KIF3C: variants seen among roughly 807,000 people sequenced by gnomAD.
KIF3C encodes kinesin family member 3C.
KIF3C carries 12 observed loss-of-function variants against 67.7 expected under a neutral mutation model. The ratio of observed to expected loss-of-function variants is 0.18; its 90% CI spans 0.11 to 0.29. The LOEUF is 0.29. Ranked by LOEUF, KIF3C falls within the 10% of genes least tolerant of loss-of-function variation. KIF3C has a pLI of 1.00. For missense variants in KIF3C, 789 were observed against 1,059.6 expected, an observed-to-expected ratio of 0.74 and a Z score of 3.55; for synonymous variants, 393 against 426.2, an observed-to-expected ratio of 0.92 and a Z score of 0.96.
Position 25,981,903 on chromosome 2 carries a change from G to A in KIF3C, c.15C>T (p.Thr5=), listed in dbSNP as rs758279775. 7 of 1,554,044 alleles carry A rather than the reference G, an allele frequency of 4.5e-6. No homozygotes were observed. Among genetic ancestry groups the A allele is most frequent in the Non-Finnish European group, 1.7e-6 (2 of 1,152,728 alleles). MASK[T]KASEALKVVA... The stretch of plus-strand genomic sequence containing the variant: ...CCACCTTGAGGGCCTCGCTGGCCTT[G>A]GTCTTACTGGCCATCTTGCTGCTCT... Residue 5 remains threonine (T), a synonymous_variant, in exon 1 of 8, where the codon ACC becomes ACT. Coordinates refer to ENST00000264712, the MANE Select transcript of KIF3C (RefSeq NM_002254.8). This position sits in a 1 kb window ranked among gnomAD's most constrained non-coding sequence, Gnocchi z 8.2.
In KIF3C at chr2:25,928,981, C is replaced by T. The variant is rs747940751; in HGVS notation, c.2379G>A (p.Glu793=). 6.2e-7 allele frequency: 1 copy of T among 1,612,882 alleles called. No individual in the cohort carries two copies. The change falls in exon 8 of 8, where the codon GAG becomes GAA. Residue 793 remains glutamate (E), a synonymous_variant. Transcript: ENST00000264712. ...SLRPATVADH[E] is the part of the protein sequence containing the mutation. ...GGGCAGCCTGACGTGATGGTTGTCA[C>T]TCATGGTCCGCCACTGTTGCAGGGC... is the stretch of plus-strand genomic sequence containing the variant.
In KIF3C at chr2:25,981,797, G is replaced by T. The variant is rs1173495141; in HGVS notation, c.121C>A (p.Gln41Lys). 4 of 1,613,364 alleles carry T rather than the reference G, an allele frequency of 2.5e-6. No individual in the cohort carries two copies. Among genetic ancestry groups the T allele is most frequent in the Non-Finnish European group, 3.4e-6 (4 of 1,179,740 alleles). ...QILTMDVKLG[Q>K]VTLRNPRAAP... Reference sequence around the variant, plus strand: ...GCGCGGGGGTTCCGCAGGGTCACCTGGCCCAGTTTCACGTCCATGGTCAGG... The same window carrying T: ...GCGCGGGGGTTCCGCAGGGTCACCTTGCCCAGTTTCACGTCCATGGTCAGG... Residue 41 changes from glutamine to lysine, a missense_variant, in exon 1 of 8, where the codon CAG becomes AAG. By Grantham distance (53) the Gln-to-Lys change is moderately conservative. Around this residue, in one of 2 missense-constraint regions of KIF3C, gnomAD observed 141 missense variants for 251.8 expected, o/e 0.56. Coordinates refer to ENST00000264712, the MANE Select transcript of KIF3C (RefSeq NM_002254.8). The surrounding 1 kb of genome is among the most constrained non-coding windows in gnomAD (Gnocchi z 8.2).
chr2:25,960,250 G>A (rs1325735295), intron 1 of KIF3C, among the ~76,000 whole-genome samples: 1 of 151,988 alleles, frequency 6.6e-6, no homozygotes, highest in Non-Finnish European at 1.5e-5. Flanking sequence ...AAATAAATAA[G>A]CAAATCAAAT....
At chr2:25,938,259 T>C in intron 5 of KIF3C, 1 of 452,184 alleles carries the variant, frequency 2.2e-6, no homozygotes, top group South Asian at 1.6e-5. Flanking sequence ...ACTGAGGAGG[T>C]TACTCAGAGA....
In KIF3C at chr2:25,980,931, G is replaced by A. The variant is rs752477182; in HGVS notation, c.987C>T (p.Ser329=). The A allele has an allele frequency of 1.2e-6, 2 of 1,614,166 alleles. No homozygotes were observed. Among genetic ancestry groups the A allele is most frequent in the South Asian group, 2.2e-5 (2 of 91,082 alleles). ...DSKLTRLLQD[S]LGGNAKTIMV... is the part of the protein sequence containing the mutation. ...TGATGGTCTTGGCATTCCCCCCCAG[G>A]GAGTCCTGGAGCAGCCGGGTCAGCT... Residue 329 remains serine, a synonymous_variant, in exon 1 of 8, where the codon TCC becomes TCT. Transcript: ENST00000264712. This position sits in a 1 kb window ranked among gnomAD's most constrained non-coding sequence, Gnocchi z 7.6.
chr2:25,949,054 A>G lies in KIF3C; in HGVS notation c.2006+2735T>C, dbSNP rs1663523185. Among the ~76,000 whole-genome samples, 5 of 152,230 alleles carry G rather than the reference A, an allele frequency of 3.3e-5. No individual in the cohort carries two copies. The South Asian group carries it at 1.0e-3, about 31-fold the overall frequency. On this transcript the variant is annotated intron_variant, in intron 5 of 7. Coordinates refer to ENST00000264712, the MANE Select transcript of KIF3C (RefSeq NM_002254.8). Reference sequence around the variant, plus strand: ...ACATTGGCAAATTTTAATATTGCCTATATAATAATATTGTGACAATACAAA... The same window carrying G: ...ACATTGGCAAATTTTAATATTGCCTGTATAATAATATTGTGACAATACAAA...
intron 2 of KIF3C, 116 bp downstream of exon 2, chr2:25,956,227 T>C: frequency 1.3e-6 from 1 of 784,278 alleles, no homozygotes; most frequent in East Asian, 2.7e-5. Context: ...ATGTCTGAGA[T>C]TCTCAGCACT....
At chr2:25,943,925 A>C (rs1574482520) in intron 5 of KIF3C, among the ~76,000 whole-genome samples, 1 of 152,328 alleles carries the variant, frequency 6.6e-6, no homozygotes, top group South Asian at 2.1e-4. Flanking sequence ...GTATTTTTTA[A>C]AGTTCTGAAA....
rs1405059875 is a variant in KIF3C, at chr2:25,963,129, T to C, written c.1546-6685A>G. On this transcript the variant is annotated intron_variant, in intron 1 of 7. Coordinates refer to ENST00000264712, the MANE Select transcript of KIF3C (RefSeq NM_002254.8). Reference sequence around the variant, plus strand: ...ACATGTGTACATAGATACATGTATATGTATATATATGCATATATGTGTGTG... The same window carrying C: ...ACATGTGTACATAGATACATGTATACGTATATATATGCATATATGTGTGTG... Among the ~76,000 whole-genome samples the C allele has an allele frequency of 4.7e-5, 5 of 106,368 alleles. No individual in the cohort carries two copies. In the East Asian group the frequency reaches 1.3e-3, roughly 27 times the overall value. The allele number at this position is 106,368 out of a possible 152,430, so 69.8% of individuals were successfully genotyped here.
intron 5 of KIF3C, among the ~76,000 whole-genome samples, chr2:25,936,342 GTT>G (rs979271095): frequency 5.9e-5 from 9 of 152,058 alleles, no homozygotes; most frequent in African/African-American, 2.2e-4. Context: ...TACCTGGCCA[GTT>G]TTAAGGAAAT....
chr2:25,946,740 G>T (rs1007678284), intron 5 of KIF3C, among the ~76,000 whole-genome samples: 3 of 151,970 alleles, frequency 2.0e-5, no homozygotes, highest in Admixed American at 2.0e-4. Context: ...TGTAATCCTA[G>T]CTACTCGGGA....
At chr2:25,934,533 G>A (rs1262974895) in intron 5 of KIF3C, among the ~76,000 whole-genome samples, 1 of 151,496 alleles carries the variant, frequency 6.6e-6, no homozygotes, top group South Asian at 2.1e-4. Context: ...GAGCCGACTC[G>A]CACCCCACTG....
chr2:25,945,867 T>C (rs1408522757), intron 5 of KIF3C, among the ~76,000 whole-genome samples: 3 of 152,172 alleles, frequency 2.0e-5, no homozygotes, highest in Non-Finnish European at 2.9e-5. Flanking sequence ...TCCTAGCACT[T>C]TGGAAGGCCG....
Position 25,928,108 on chromosome 2 carries a change from G to A in KIF3C, c.*870C>T, listed in dbSNP as rs763799309. 1 of 152,456 alleles carries A rather than the reference G, an allele frequency of 6.6e-6. No individual in the cohort carries two copies. The highest frequency in any genetic ancestry group is 1.5e-5 in the Non-Finnish European group (1 of 68,044). 9.4% of individuals were successfully genotyped at this position (152,456 alleles called of 1,614,324 possible). A position where few individuals can be genotyped will look rare whatever the true frequency, so the allele number is the denominator to read the frequency against. On this transcript the variant is annotated 3_prime_UTR_variant, in exon 8 of 8. Coordinates refer to ENST00000264712, the MANE Select transcript of KIF3C (RefSeq NM_002254.8). ...TAGGCAGCTGCAGGGAGAAATGATC[G>A]AAGCAGGCAGGAGCAGCCTCTTGAA...
chr2:25,980,730 C>G lies in KIF3C; in HGVS notation c.1188G>C (p.Lys396Asn). The change falls in exon 1 of 8, where the codon AAG (lysine) becomes AAC (asparagine). Residue 396 changes from lysine to asparagine, a missense_variant. By Grantham distance (94) the Lys-to-Asn change is moderately conservative. Coordinates refer to ENST00000264712, the MANE Select transcript of KIF3C (RefSeq NM_002254.8). This position sits in a 1 kb window ranked among gnomAD's most constrained non-coding sequence, Gnocchi z 7.6. Reference protein sequence around the residue: ...EIARLKAQLEKRGMLGKRPRR... With the variant: ...EIARLKAQLENRGMLGKRPRR... ...GGGGCCGCTTCCCCAGCATCCCCCT[C>G]TTCTCCAGCTGGGCCTTCAGGCGGG... The G allele has an allele frequency of 6.2e-7, 1 of 1,614,186 alleles. No individual in the cohort carries two copies. Among genetic ancestry groups the G allele is most frequent in the Non-Finnish European group, 8.5e-7 (1 of 1,179,998 alleles).
At chr2:25,938,737 C>G (rs1174420612) in intron 5 of KIF3C, among the ~76,000 whole-genome samples, 1 of 152,124 alleles carries the variant, frequency 6.6e-6, no homozygotes, top group African/African-American at 2.4e-5. Flanking sequence ...GTTTTGGCAG[C>G]CCGGAGCTGA....
intron 1 of KIF3C, among the ~76,000 whole-genome samples, chr2:25,959,440 G>T (rs905212742): frequency 6.6e-6 from 1 of 152,036 alleles, no homozygotes; most frequent in Non-Finnish European, 1.5e-5. Context: ...GAATCCTTGG[G>T]GGTTGTCCCA....
chr2:25,955,749 C>G lies in KIF3C; in HGVS notation c.1648-86G>C. 1 of 1,513,966 alleles carries G rather than the reference C, an allele frequency of 6.6e-7. No homozygotes were observed. 93.8% of individuals were successfully genotyped at this position (1,513,966 alleles called of 1,614,324 possible). A position where few individuals can be genotyped will look rare whatever the true frequency, so the allele number is the denominator to read the frequency against. On this transcript the variant is annotated intron_variant, in intron 2 of 7. Coordinates refer to ENST00000264712, the MANE Select transcript of KIF3C (RefSeq NM_002254.8). This position sits in a 1 kb window ranked among gnomAD's most constrained non-coding sequence, Gnocchi z 5.0. ...AGCTCAGGGGACTGGCTCACTCTGC[C>G]TGTCTCGGGACCTGGCTTCACCATG...
intron 5 of KIF3C, among the ~76,000 whole-genome samples, chr2:25,949,126 T>A (rs753753769): frequency 2.6e-4 from 39 of 152,170 alleles, no homozygotes; most frequent in Non-Finnish European, 5.6e-4. Flanking sequence ...ATGTTCTCAT[T>A]TTTCGGAAGT....
Sources: gnomAD v4.1 joint callset for allele counts (sites outside exome capture counted in the v4.1 genomes callset) on GRCh38, gnomAD v4.1.1 for gene constraint, gnomAD v4.1.1 regional missense constraint, Gnocchi (gnomAD v3.1) non-coding constraint, MANE v1.5 for transcripts, NCBI Gene and HGNC (gene_info 2026-07-23, HGNC 2026-07-21) for gene names.